Variants in SYN3 observed in about 807,000 individuals in gnomAD.
SYN3 encodes synapsin-3.
SYN3 carries 35 observed loss-of-function variants against 65.8 expected under a neutral mutation model. The observed-to-expected ratio is 0.53, with a 90% CI of 0.41 to 0.70. SYN3 has a LOEUF of 0.70. Among genes scored for constraint, SYN3 ranks in the 30% least tolerant of loss-of-function variants. The pLI is 0.00. For synonymous variants in SYN3, 270 were observed against 292.9 expected (o/e 0.92, Z 0.80); for missense variants, 680 against 749.0 (o/e 0.91, Z 1.08).
chr22:32,973,279 G>T (rs1372651563), intron 3 of SYN3, among the ~76,000 whole-genome samples: 2 of 152,138 alleles, frequency 1.3e-5, no homozygotes, highest in Non-Finnish European at 2.9e-5. Flanking sequence ...CTCTGGAAAG[G>T]TGCCCAAGAA....
chr22:32,510,823 G>A lies in SYN3; in HGVS notation c.*2869C>T, dbSNP rs529760716. Among the ~76,000 whole-genome samples the A allele has an allele frequency of 2.0e-5, 3 of 152,158 alleles. No homozygotes were observed. Among genetic ancestry groups the A allele is most frequent in the Admixed American group, 2.0e-4 (3 of 15,288 alleles). ...TTCCAGTCTGAGAGGCTGGTATTCT[G>A]GTTCTTTCATCGTGTGACTTATACT... On this transcript the variant is annotated 3_prime_UTR_variant, in exon 14 of 14. Transcript: ENST00000358763.
chr22:32,938,927 C>CAA (rs137558), intron 3 of SYN3, among the ~76,000 whole-genome samples: 25,306 of 124,740 alleles, frequency 0.2, 2,803 homozygotes, highest in Non-Finnish European at 0.24. Context: ...GGCTTTGTCT[C>CAA]AAAAAAAAAA....
chr22:32,556,283 C>G lies in SYN3; in HGVS notation c.775-14570G>C, dbSNP rs900479452. Among the ~76,000 whole-genome samples, 3 of 152,146 alleles carry G rather than the reference C, an allele frequency of 2.0e-5. No homozygotes were observed. The East Asian group carries it at 5.8e-4, about 29-fold the overall frequency. On this transcript the variant is annotated intron_variant, in intron 7 of 13. Coordinates refer to ENST00000358763, the MANE Select transcript of SYN3 (RefSeq NM_003490.4). Reference sequence around the variant, plus strand: ...ATTACTTACTAATGGGATGTATGTGCTTATTGGGCAGTGCACAAATTCCTG... The same window carrying G: ...ATTACTTACTAATGGGATGTATGTGGTTATTGGGCAGTGCACAAATTCCTG...
intron 6 of SYN3, among the ~76,000 whole-genome samples, chr22:32,613,818 G>A (rs1011008850): frequency 6.6e-6 from 1 of 152,114 alleles, no homozygotes; most frequent in Non-Finnish European, 1.5e-5. Flanking sequence ...TGGTGTCTTT[G>A]TTGTTTTTCA....
At chr22:32,724,293 T>C (rs2078504) in intron 6 of SYN3, among the ~76,000 whole-genome samples, 28,277 of 152,174 alleles carry the variant, frequency 0.19, 2,882 homozygotes, top group South Asian at 0.28. Context: ...GGTCTTGCTA[T>C]GTTGCCCAGG....
At chr22:32,823,239 TG>T (rs1440525287) in intron 6 of SYN3, among the ~76,000 whole-genome samples, 1 of 152,162 alleles carries the variant, frequency 6.6e-6, no homozygotes, top group Non-Finnish European at 1.5e-5. Context: ...TGGTGGGACT[TG>T]TAAGTCCCGT....
intron 2 of SYN3, among the ~76,000 whole-genome samples, chr22:32,984,044 A>C (rs1000594126): frequency 5.9e-5 from 9 of 151,568 alleles, no homozygotes; most frequent in African/African-American, 1.9e-4. Flanking sequence ...CTGTAATTCC[A>C]GCTGAGGCAG....
chr22:32,990,031 C>G (rs1227705062), intron 2 of SYN3, among the ~76,000 whole-genome samples: 2 of 152,108 alleles, frequency 1.3e-5, no homozygotes, highest in Non-Finnish European at 1.5e-5. Flanking sequence ...AAGGGCCCAA[C>G]TGGGGAAATC....
Position 33,045,596 on chromosome 22 carries a change from G to C in SYN3, c.-163+12696C>G, listed in dbSNP as rs928313223. Among the ~76,000 whole-genome samples, 4 of 149,806 alleles carry C rather than the reference G, an allele frequency of 2.7e-5. No individual in the cohort carries two copies. The South Asian group carries it at 8.5e-4, about 32-fold the overall frequency. ...CGTTCTCCTGCCTCAGCCTCTCCTG[G>C]GACTACAGGCGCCCGCCACTACACC... On this transcript the variant is annotated intron_variant, in intron 1 of 13. Transcript: ENST00000358763.
intron 6 of SYN3, among the ~76,000 whole-genome samples, chr22:32,604,960 G>C (rs113845585): frequency 0.12 from 17,204 of 148,982 alleles, 1,385 homozygotes; most frequent in African/African-American, 0.22. Context: ...GAGCCGAGAT[G>C]GCGCCACTGC....
At position 32,846,305 on chromosome 22, in the gene SYN3, C is replaced by T. The variant is rs2048060888; in HGVS notation, c.711+18610G>A. ...GACTACTTCATCTGTGCTTCTCCAC[C>T]TCTCCCTGAAGTTCTGTAAGGCTAG... On this transcript the variant is annotated intron_variant, in intron 6 of 13. Transcript: ENST00000358763. Among the ~76,000 whole-genome samples, 4 of 152,340 alleles carry T rather than the reference C, an allele frequency of 2.6e-5. No homozygotes were observed. The South Asian group carries it at 6.2e-4, about 24-fold the overall frequency.
At chr22:32,612,164 T>C (rs1044899931) in intron 6 of SYN3, among the ~76,000 whole-genome samples, 1 of 152,202 alleles carries the variant, frequency 6.6e-6, no homozygotes, top group African/African-American at 2.4e-5. Flanking sequence ...TTCTCACATC[T>C]CTTATAATAA....
chr22:32,780,068 C>CAAAAAAAAAAAAAAAAAAAA (rs130536), intron 6 of SYN3, among the ~76,000 whole-genome samples: 2 of 72,596 alleles, frequency 2.8e-5, no homozygotes, highest in African/African-American at 6.5e-5. Flanking sequence ...GATTCTGTCT[C>CAAAAAAAAAAAAAAAAAAAA]AAAAAAAAAA....
rs4821106 is a variant in SYN3 at position 32,827,869 on chromosome 22, C to T, written c.711+37046G>A. Among the ~76,000 whole-genome samples the T allele has an allele frequency of 2.6e-3, 394 of 152,326 alleles. 10 individuals are homozygous for T. The highest frequency in any genetic ancestry group is 0.02 in the Admixed American group (304 of 15,304). On this transcript the variant is annotated intron_variant, in intron 6 of 13. Coordinates refer to ENST00000358763, the MANE Select transcript of SYN3 (RefSeq NM_003490.4). ...GCTGTCCTCTCTTCCAGGAACACCT[C>T]ATCCCCCAGATACTCACTGGCTGGC... is the stretch of plus-strand genomic sequence containing the variant.
At chr22:32,916,404 C>T (rs1041742610) in intron 4 of SYN3, among the ~76,000 whole-genome samples, 1 of 152,182 alleles carries the variant, frequency 6.6e-6, no homozygotes, top group Non-Finnish European at 1.5e-5. Context: ...GGATACAGAT[C>T]CAGAAAGGAA....
At position 32,708,977 on chromosome 22, in the gene SYN3, TC is replaced by T. The variant is rs149246826; in HGVS notation, c.712-112242del. The stretch of plus-strand genomic sequence containing the variant: ...GGCCTGGCATGGAAGAGAGAATCAC[TC>T]GAGCCCTGCGGGGCAGTGATGGGAA... On this transcript the variant is annotated intron_variant, in intron 6 of 13. Transcript: ENST00000358763. Among the ~76,000 whole-genome samples the T allele has an allele frequency of 6.6e-4, 100 of 152,200 alleles. 2 individuals carry two copies. Among genetic ancestry groups the T allele is most frequent in the Non-Finnish European group, 1.2e-3 (82 of 67,998 alleles).
At chr22:32,537,241 C>T (rs2058181216) in intron 9 of SYN3, among the ~76,000 whole-genome samples, 1 of 152,038 alleles carries the variant, frequency 6.6e-6, no homozygotes, top group Admixed American at 6.5e-5. Context: ...CTCACCGCAA[C>T]CTCCGCCTCC....
At position 32,701,925 on chromosome 22, in the gene SYN3, A is replaced by G. The variant is rs114952403; in HGVS notation, c.712-105189T>C. ...CCAAGAAGCTCAATGAACCTGAAAT[A>G]AGAAGAAAAAACACAAAGAAAACCA... On this transcript the variant is annotated intron_variant, in intron 6 of 13. Coordinates refer to ENST00000358763, the MANE Select transcript of SYN3 (RefSeq NM_003490.4). Among the ~76,000 whole-genome samples the G allele has an allele frequency of 6.9e-3, 1,046 of 152,326 alleles. 16 individuals are homozygous for G. Among genetic ancestry groups the G allele is most frequent in the African/African-American group, 0.024 (997 of 41,584 alleles).
rs374993800 is a variant in SYN3 at position 32,766,822 on chromosome 22, T to C, written c.711+98093A>G. Among the ~76,000 whole-genome samples the C allele has an allele frequency of 4.6e-5, 7 of 152,272 alleles. No homozygotes were observed. The East Asian group carries it at 1.4e-3, about 29-fold the overall frequency. ...TTTCCAGAGGTTTACTTTGGTTGAG[T>C]GGGAATGGGTATAGACAGATTCCAG... On this transcript the variant is annotated intron_variant, in intron 6 of 13. Transcript: ENST00000358763.
Sources: allele counts gnomAD v4.1 joint callset (sites outside exome capture counted in the v4.1 genomes callset), GRCh38; gene constraint gnomAD v4.1.1; transcripts MANE v1.5; gene names NCBI Gene and HGNC (gene_info 2026-07-23, HGNC 2026-07-21).